The following ERCC6 variants were observed in gnomAD, a reference collection of about 807,000 sequenced individuals.
ERCC6 encodes DNA excision repair protein ERCC-6.
ERCC6 carries 116 observed loss-of-function variants against 158.7 expected under a neutral mutation model. The observed-to-expected ratio is 0.73, with a 90% CI of 0.63 to 0.85. ERCC6 has a LOEUF of 0.85. ERCC6 is among the 40% of genes least tolerant of loss of function. The pLI is 0.00. For synonymous variants in ERCC6, 678 were observed against 659.3 expected (o/e 1.03, Z -0.43); for missense variants, 1,698 against 1,799.4 (o/e 0.94, Z 1.02).
intron 6 of ERCC6, chr10:49,501,532 C>T (rs2132576321): frequency 6.6e-6 from 1 of 151,914 alleles, no homozygotes; most frequent in South Asian, 2.1e-4. Flanking sequence ...TAATCTATAA[C>T]CTAAAAATAA....
intron 4 of ERCC6, 151 bp downstream of exon 4, chr10:49,528,266 G>A (rs1837387183): frequency 2.3e-6 from 2 of 884,312 alleles, no homozygotes; most frequent in East Asian, 2.6e-5. Context: ...CAGGTGTAGA[G>A]AATAAAATTT....
the ERCC6 span, among the ~76,000 whole-genome samples, chr10:49,441,299 T>A: frequency 6.6e-6 from 1 of 152,196 alleles, no homozygotes; most frequent in African/African-American, 2.4e-5. Flanking sequence ...AAATCAGGAT[T>A]TTAGTGCTTG....
At chr10:49,521,132 G>C (rs1281422052) in intron 5 of ERCC6, among the ~76,000 whole-genome samples, 1 of 152,230 alleles carries the variant, frequency 6.6e-6, no homozygotes, top group Non-Finnish European at 1.5e-5. Flanking sequence ...GCCAGTCCAA[G>C]GATGCAGACA....
intron 3 of ERCC6, 40 bp downstream of exon 3, chr10:49,530,679 AC>A: frequency 1.2e-6 from 2 of 1,607,234 alleles, no homozygotes; most frequent in Non-Finnish European, 1.7e-6. Flanking sequence ...CTAAATGATG[AC>A]TTTTTCAAAA....
chr10:49,439,940 C>A, the ERCC6 span, among the ~76,000 whole-genome samples: 2 of 152,226 alleles, frequency 1.3e-5, no homozygotes, highest in African/African-American at 4.8e-5. Flanking sequence ...CCACCTCAGT[C>A]TGGACCTTAT....
At chr10:49,481,029 G>A (rs1850969688) in intron 10 of ERCC6, among the ~76,000 whole-genome samples, 1 of 152,160 alleles carries the variant, frequency 6.6e-6, no homozygotes, top group Admixed American at 6.5e-5. Flanking sequence ...TGATTTTGTT[G>A]CTTACACTGG....
chr10:49,475,271 A>T (rs983829681), intron 12 of ERCC6: 2 of 308,152 alleles, frequency 6.5e-6, no homozygotes, highest in Non-Finnish European at 1.3e-5. Context: ...TTTTGATTAC[A>T]TATTAAAATG....
At chr10:49,474,776 G>A (rs769917116) in intron 12 of ERCC6, among the ~76,000 whole-genome samples, 5 of 152,184 alleles carry the variant, frequency 3.3e-5, no homozygotes, top group South Asian at 2.1e-4. Context: ...AAAAATGCAC[G>A]AATAGGAATG....
At chr10:49,522,807 G>A (rs989004729) in intron 5 of ERCC6, among the ~76,000 whole-genome samples, 39 of 152,132 alleles carry the variant, frequency 2.6e-4, no homozygotes, top group African/African-American at 9.4e-4. Context: ...CAACTTCACA[G>A]GTAATAAACG....
rs1837509450 is a variant in ERCC6 at position 49,532,978 on chromosome 10, C to T, written c.-14G>A. The T allele has an allele frequency of 6.2e-7, 1 of 1,613,940 alleles. No homozygotes were observed. Among genetic ancestry groups the T allele is most frequent in the African/African-American group, 1.3e-5 (1 of 74,984 alleles). On this transcript the variant is annotated splice_region_variant and 5_prime_UTR_variant, in exon 2 of 21. Transcript: ENST00000355832. The stretch of plus-strand genomic sequence containing the variant: ...CTCATTTGGCATTCTCTACAGACTA[C>T]CTAAAAGGAAAAAAATTTATAAGCC...
chr10:49,479,605 GA>G (rs1027724622), intron 10 of ERCC6, among the ~76,000 whole-genome samples: 4 of 152,186 alleles, frequency 2.6e-5, no homozygotes, highest in Non-Finnish European at 4.4e-5. Context: ...CAGAGATGAT[GA>G]AATTTCAGAA....
At chr10:49,469,335 A>G (rs760387010) in intron 18 of ERCC6, among the ~76,000 whole-genome samples, 1 of 152,218 alleles carries the variant, frequency 6.6e-6, no homozygotes, top group Admixed American at 6.5e-5. Flanking sequence ...TGATAGATGC[A>G]CTGAGTAAGA....
intron 8 of ERCC6, among the ~76,000 whole-genome samples, chr10:49,491,049 G>A (rs1685112747): frequency 6.6e-6 from 1 of 151,758 alleles, no homozygotes; most frequent in Non-Finnish European, 1.5e-5. Context: ...ACAGAGATCT[G>A]CACATACACA....
At chr10:49,481,582 A>C (rs1850980868) in intron 10 of ERCC6, among the ~76,000 whole-genome samples, 1 of 152,170 alleles carries the variant, frequency 6.6e-6, no homozygotes, top group Non-Finnish European at 1.5e-5. Context: ...CCACCCAAGA[A>C]GGGATGCACA....
intron 5 of ERCC6, among the ~76,000 whole-genome samples, chr10:49,512,119 A>C (rs139138000): frequency 3.2e-3 from 489 of 152,322 alleles, no homozygotes; most frequent in African/African-American, 0.011. Flanking sequence ...CAAAACACCT[A>C]TTGCAGTCTT....
At chr10:49,539,237 G>A (rs1344060440), upstream of ERCC6, among the ~76,000 whole-genome samples, 2 of 152,388 alleles carry the variant, frequency 1.3e-5, no homozygotes, top group Non-Finnish European at 2.9e-5. Context: ...AGCTGTCTCC[G>A]CTGCCGGTCA....
chr10:49,437,626 C>A, the ERCC6 span, among the ~76,000 whole-genome samples: 2 of 152,004 alleles, frequency 1.3e-5, no homozygotes, highest in South Asian at 4.2e-4. Flanking sequence ...ACAGGCATAA[C>A]CAAAATAAAA....
intron 6 of ERCC6, chr10:49,503,610 G>A (rs1851391387): frequency 6.6e-6 from 1 of 152,086 alleles, no homozygotes; most frequent in African/African-American, 2.4e-5. Context: ...GCTAGATGAG[G>A]AATATAAGGG....
intron 5 of ERCC6, among the ~76,000 whole-genome samples, chr10:49,513,856 CTTTTT>C (rs542257130): frequency 6.9e-6 from 1 of 144,054 alleles, no homozygotes; most frequent in Non-Finnish European, 1.5e-5. Flanking sequence ...CTCTCTCTCT[CTTTTT>C]TTTTTAACAA....
Sources: gnomAD v4.1 joint callset for allele counts (sites outside exome capture counted in the v4.1 genomes callset) on GRCh38, gnomAD v4.1.1 for gene constraint, MANE v1.5 for transcripts, NCBI Gene and HGNC (gene_info 2026-07-23, HGNC 2026-07-21) for gene names.